The following TACC1 variants were observed in gnomAD, a reference collection of about 807,000 sequenced individuals.
TACC1 encodes the protein transforming acidic coiled-coil-containing protein 1.
TACC1 carries 48 observed loss-of-function variants against 84.4 expected under a neutral mutation model. The ratio of observed to expected loss-of-function variants is 0.57; its 90% confidence interval spans 0.45 to 0.72. The LOEUF is 0.72. TACC1 is among the 30% of genes least tolerant of loss of function. TACC1 has a pLI of 0.00. For missense variants in TACC1, 920 were observed against 973.0 expected (o/e 0.95, Z 0.72); for synonymous variants, 372 against 376.3 (o/e 0.99, Z 0.13).
intron 1 of TACC1, among the ~76,000 whole-genome samples, chr8:38,740,005 C>T (rs938007344): frequency 1.3e-5 from 2 of 152,212 alleles, no homozygotes; most frequent in Admixed American, 6.5e-5. Context: ...CTGATTTCAG[C>T]TCAAGAGAAG....
At position 38,838,521 on chromosome 8, in the gene TACC1, A is replaced by T; in HGVS notation, c.1891A>T (p.Thr631Ser). The change falls in exon 8 of 13, where the codon ACC becomes TCC. Residue 631 changes from threonine (T) to serine (S), a missense_variant. By Grantham distance (58) the Thr-to-Ser change is moderately conservative. Around this residue, in one of 2 missense-constraint regions of TACC1, gnomAD observed 158 missense variants for 225.6 expected, o/e 0.70. Coordinates refer to ENST00000317827, the MANE Select transcript of TACC1 (RefSeq NM_006283.3). Reference protein sequence around the residue: ...ANEWKKKYEETRQEVLEMRKI... With the variant: ...ANEWKKKYEESRQEVLEMRKI... ...TGAATGGAAGAAGAAATACGAAGAG[A>T]CCCGGCAAGAAGTTTTGGAGATGAG... 6.2e-7 allele frequency: 1 copy of T among 1,613,938 alleles called. No homozygotes were observed.
In TACC1 at chr8:38,840,286, T is replaced by G. The variant is rs759656499; in HGVS notation, c.1960+19T>G. 4.3e-5 allele frequency: 69 copies of G among 1,609,124 alleles called. No individual in the cohort carries two copies. Among genetic ancestry groups the G allele is most frequent in the Admixed American group, 1.0e-4 (6 of 59,946 alleles). ...ATGATTGGTAAGGAGAACATTTTGT[T>G]TTTTGAGGGTATGAGCCATAGGATC... On this transcript the variant is annotated intron_variant, in intron 9 of 12. Coordinates refer to ENST00000317827, the MANE Select transcript of TACC1 (RefSeq NM_006283.3).
At chr8:38,831,828 CAG>C (rs1377421552) in intron 6 of TACC1, among the ~76,000 whole-genome samples, 2 of 142,684 alleles carry the variant, frequency 1.4e-5, no homozygotes, top group East Asian at 2.1e-4. Flanking sequence ...TTTTTTGAGA[CAG>C]AGTTTCACTC....
At chr8:38,800,990 C>T (rs1024137918) in intron 2 of TACC1, among the ~76,000 whole-genome samples, 1 of 152,090 alleles carries the variant, frequency 6.6e-6, no homozygotes, top group African/African-American at 2.4e-5. Flanking sequence ...ATTTGCATTT[C>T]CCTAATGGCT....
At chr8:38,787,205 G>A, upstream of TACC1, 1 of 990,880 alleles carries the variant, frequency 1.0e-6, no homozygotes, top group Middle Eastern at 5.1e-4. Flanking sequence ...TCCGGCGGCA[G>A]CTGATGCGCG....
chr8:38,838,580 C>T (rs746537116), intron 8 of TACC1, 34 bp downstream of exon 8: 1 of 1,499,326 alleles, frequency 6.7e-7, no homozygotes, highest in Non-Finnish European at 9.3e-7. Context: ...GGGCTGGATA[C>T]TTTTATGCAC....
At chr8:38,729,885 A>T (rs1804587037) in intron 1 of TACC1, among the ~76,000 whole-genome samples, 1 of 144,632 alleles carries the variant, frequency 6.9e-6, no homozygotes, top group Non-Finnish European at 1.5e-5. Context: ...AAAGAAAAAG[A>T]AAAGAAAACA....
At chr8:38,762,201 A>G (rs1414179518) in intron 3 of TACC1, among the ~76,000 whole-genome samples, 1 of 152,210 alleles carries the variant, frequency 6.6e-6, no homozygotes, top group Non-Finnish European at 1.5e-5. Flanking sequence ...ACATTGGACA[A>G]CCATCACCAC....
chr8:38,794,543 C>T (rs1233612818), intron 2 of TACC1, among the ~76,000 whole-genome samples: 3 of 141,818 alleles, frequency 2.1e-5, no homozygotes, highest in South Asian at 2.2e-4. Flanking sequence ...TTTTAGACTG[C>T]ACGTGTGTGT....
chr8:38,844,308 G>T (rs1006521722), intron 11 of TACC1, among the ~76,000 whole-genome samples: 1 of 151,942 alleles, frequency 6.6e-6, no homozygotes, highest in Non-Finnish European at 1.5e-5. Context: ...AAGTAGCTTG[G>T]ATTACAGGCA....
At chr8:38,730,637 T>G (rs1384030493) in intron 1 of TACC1, among the ~76,000 whole-genome samples, 1 of 152,186 alleles carries the variant, frequency 6.6e-6, no homozygotes. Flanking sequence ...GTGGTGAAGG[T>G]GGGGCTGGGG....
intron 2 of TACC1, among the ~76,000 whole-genome samples, chr8:38,799,139 G>T (rs1054467919): frequency 7.2e-5 from 11 of 152,186 alleles, no homozygotes; most frequent in Non-Finnish European, 1.0e-4. Context: ...GATTCAGTGT[G>T]GGGGAGGAGA....
rs201292574 is a variant in TACC1, at chr8:38,819,875, G to A, written c.631G>A (p.Ala211Thr). The change falls in exon 3 of 13, where the codon GCT becomes ACT. Residue 211 changes from alanine to threonine, a missense_variant. Ala to Thr is a moderately conservative substitution (Grantham distance 58, BLOSUM62 0). Transcript: ENST00000317827. ...MGVTLEASAE[A>T]DLKAGNSCPE... ...GGTCACCCTCGAGGCCTCCGCAGAA[G>A]CTGATCTAAAAGCTGGCAACTCCTG... is the stretch of plus-strand genomic sequence containing the variant. The A allele has an allele frequency of 1.3e-4, 208 of 1,614,008 alleles. 1 individual carries two copies. The East Asian group carries it at 4.4e-3, about 34-fold the overall frequency.
chr8:38,813,752 G>A (rs1480851675), intron 2 of TACC1, among the ~76,000 whole-genome samples: 1 of 152,138 alleles, frequency 6.6e-6, no homozygotes, highest in African/African-American at 2.4e-5. Flanking sequence ...CATATCAGAA[G>A]GGTTTATGTG....
At chr8:38,792,671 T>C (rs1280527117) in intron 2 of TACC1, among the ~76,000 whole-genome samples, 2 of 152,212 alleles carry the variant, frequency 1.3e-5, no homozygotes, top group East Asian at 3.9e-4. Context: ...TTCACCGTGT[T>C]AGCCAGGATG....
Position 38,787,278 on chromosome 8 carries a change from C to T in TACC1, c.-305C>T, listed in dbSNP as rs753558225. Reference sequence around the variant, plus strand: ...GCGGGAGCAGCAGAGGTCTAGCAGCCGGGCGCCGCGGGCCGGGGGCCTGAG... The same window carrying T: ...GCGGGAGCAGCAGAGGTCTAGCAGCTGGGCGCCGCGGGCCGGGGGCCTGAG... On this transcript the variant is annotated 5_prime_UTR_variant, in exon 1 of 13. Coordinates refer to ENST00000317827, the MANE Select transcript of TACC1 (RefSeq NM_006283.3). The T allele has an allele frequency of 1.4e-4, 150 of 1,086,242 alleles. No individual in the cohort carries two copies. The highest frequency in any genetic ancestry group is 1.6e-4 in the Non-Finnish European group (145 of 895,262). 67.3% of individuals were successfully genotyped at this position (1,086,242 alleles called of 1,614,324 possible). A position where few individuals can be genotyped will look rare whatever the true frequency, so the allele number is the denominator to read the frequency against.
chr8:38,766,279 G>A (rs779321243), intron 3 of TACC1, among the ~76,000 whole-genome samples: 2 of 152,172 alleles, frequency 1.3e-5, no homozygotes, highest in East Asian at 3.8e-4. Context: ...TTGTACAATA[G>A]TACAGTTTTA....
chr8:38,785,260 G>C (rs1168908417), upstream of TACC1, among the ~76,000 whole-genome samples: 3 of 152,144 alleles, frequency 2.0e-5, no homozygotes, highest in Non-Finnish European at 4.4e-5. Context: ...TTTACCCTGT[G>C]ATAACAGTTC....
chr8:38,730,244 AGGTGGGAGT>A (rs2151591746), intron 1 of TACC1, among the ~76,000 whole-genome samples: 1 of 152,308 alleles, frequency 6.6e-6, no homozygotes, highest in South Asian at 2.1e-4. Flanking sequence ...AACCCGCTGG[AGGTGGGAGT>A]GCCAACAAGG....
Sources: gnomAD v4.1 joint callset for allele counts (sites outside exome capture counted in the v4.1 genomes callset) on GRCh38, gnomAD v4.1.1 for gene constraint, gnomAD v4.1.1 regional missense constraint, MANE v1.5 for transcripts, NCBI Gene and HGNC (gene_info 2026-07-23, HGNC 2026-07-21) for gene names.